Variants in CXCL17 observed in about 807,000 individuals in gnomAD.
CXCL17 encodes the protein C-X-C motif chemokine 17.
In CXCL17, 9 loss-of-function variants were observed where a neutral mutation model predicts 15.5. The observed-to-expected ratio is 0.58, with a 90% CI of 0.35 to 1.01. CXCL17 has a LOEUF of 1.01. Among genes scored for constraint, CXCL17 ranks in the 50% least tolerant of loss-of-function variants. CXCL17 has a pLI of 0.02. For synonymous variants in CXCL17, 52 were observed against 52.3 expected (o/e 0.99, Z 0.02); for missense variants, 133 against 138.2 (o/e 0.96, Z 0.19).
chr19:42,428,880 G>A lies in CXCL17; in HGVS notation c.*4C>T. 1.2e-6 allele frequency: 2 copies of A among 1,609,452 alleles called. No homozygotes were observed. Among genetic ancestry groups the A allele is most frequent in the Non-Finnish European group, 1.7e-6 (2 of 1,175,742 alleles). On this transcript the variant is annotated 3_prime_UTR_variant, in exon 4 of 4. Transcript: ENST00000601181. The stretch of plus-strand genomic sequence containing the variant: ...TTAATTGGAAGAGTGGGCGCTCAGA[G>A]CTCCTACAAAGGCAGAGCAAAGCTT...
Position 42,441,529 on chromosome 19 carries a change from C to G in CXCL17, c.79+1225G>C, listed in dbSNP as rs191200830. On this transcript the variant is annotated intron_variant, in intron 1 of 3. Coordinates refer to ENST00000601181, the MANE Select transcript of CXCL17 (RefSeq NM_198477.3). ...AGAGGACTCTAGCCTGGGTGTCTGT[C>G]ATAGTGATGGAAAAGTCTTCCCTTT... Among the ~76,000 whole-genome samples, 665 of 152,254 alleles carry G rather than the reference C, an allele frequency of 4.4e-3. 7 individuals are homozygous for G. The highest frequency in any genetic ancestry group is 0.015 in the African/African-American group (629 of 41,538).
intron 3 of CXCL17, among the ~76,000 whole-genome samples, chr19:42,432,346 T>C (rs2040791775): frequency 6.6e-6 from 1 of 152,074 alleles, no homozygotes; most frequent in East Asian, 1.9e-4. Flanking sequence ...GGTTTCACCA[T>C]GTTGGCCAGG....
intron 2 of CXCL17, 72 bp downstream of exon 2, chr19:42,433,704 C>G: frequency 7.6e-7 from 1 of 1,318,476 alleles, no homozygotes; most frequent in Non-Finnish European, 1.1e-6. Flanking sequence ...CTGCATTGGT[C>G]TCAGAGGGGC....
intron 1 of CXCL17, among the ~76,000 whole-genome samples, chr19:42,434,432 G>A: frequency 6.6e-6 from 1 of 151,950 alleles, no homozygotes; most frequent in Non-Finnish European, 1.5e-5. Flanking sequence ...TTTTTTGTTT[G>A]TTTGTTTGTT....
intron 1 of CXCL17, among the ~76,000 whole-genome samples, chr19:42,437,514 C>T (rs2040845541): frequency 6.6e-6 from 1 of 152,174 alleles, no homozygotes; most frequent in Admixed American, 6.5e-5. Context: ...GGACAAGTCA[C>T]TTGGCTTCTA....
At chr19:42,436,573 G>C (rs1042047045) in intron 1 of CXCL17, among the ~76,000 whole-genome samples, 12 of 151,502 alleles carry the variant, frequency 7.9e-5, no homozygotes, top group African/African-American at 2.9e-4. Context: ...ACCAACTGTT[G>C]GTATTTTGGC....
chr19:42,429,790 C>T lies in CXCL17; in HGVS notation c.263-809G>A, dbSNP rs551829215. On this transcript the variant is annotated intron_variant, in intron 3 of 3. Coordinates refer to ENST00000601181, the MANE Select transcript of CXCL17 (RefSeq NM_198477.3). ...TGTTAATAGTTTGCTACGTATTTTT[C>T]CATACCTTCTGGTATATAAATACAA... Among the ~76,000 whole-genome samples the T allele has an allele frequency of 3.2e-4, 48 of 152,336 alleles. No individual in the cohort carries two copies. In the South Asian group the frequency reaches 6.0e-3, roughly 19 times the overall value.
At chr19:42,429,988 C>T (rs1307563679) in intron 3 of CXCL17, among the ~76,000 whole-genome samples, 2 of 150,750 alleles carry the variant, frequency 1.3e-5, no homozygotes, top group African/African-American at 4.9e-5. Flanking sequence ...AGCAACATGG[C>T]GAAATCCTAT....
At chr19:42,435,167 A>C (rs1237642487) in intron 1 of CXCL17, among the ~76,000 whole-genome samples, 1 of 147,618 alleles carries the variant, frequency 6.8e-6, no homozygotes, top group African/African-American at 2.6e-5. Context: ...CGACAGAGCG[A>C]GACACGGTCT....
chr19:42,430,642 A>C (rs2040770280), intron 3 of CXCL17, among the ~76,000 whole-genome samples: 1 of 151,562 alleles, frequency 6.6e-6, no homozygotes, highest in African/African-American at 2.4e-5. Flanking sequence ...TATTGCCAAC[A>C]GCACCCCTCC....
intron 1 of CXCL17, among the ~76,000 whole-genome samples, chr19:42,439,695 C>G (rs1180370334): frequency 3.3e-5 from 5 of 152,178 alleles, no homozygotes; most frequent in Non-Finnish European, 7.3e-5. Flanking sequence ...CTGAAGTATT[C>G]TTGCCCAAAA....
intron 3 of CXCL17, among the ~76,000 whole-genome samples, chr19:42,430,467 C>G (rs1055357651): frequency 6.6e-6 from 1 of 151,366 alleles, no homozygotes; most frequent in Non-Finnish European, 1.5e-5. Flanking sequence ...GGTGGCGCAT[C>G]CCTGTAATCC....
intron 1 of CXCL17, among the ~76,000 whole-genome samples, chr19:42,434,638 C>T (rs1033221865): frequency 1.3e-5 from 2 of 151,866 alleles, no homozygotes; most frequent in East Asian, 3.9e-4. Context: ...CCAAGTTGCC[C>T]AGGTTGGTCT....
chr19:42,442,762 A>T lies in CXCL17; in HGVS notation c.71T>A (p.Leu24Gln). 3 of 1,611,146 alleles carry T rather than the reference A, an allele frequency of 1.9e-6. No homozygotes were observed. Among genetic ancestry groups the T allele is most frequent in the Non-Finnish European group, 2.5e-6 (3 of 1,178,288 alleles). Residue 24 changes from leucine (L) to glutamine (Q), a missense_variant, in exon 1 of 4, where the codon CTG (leucine) becomes CAG (glutamine). Coordinates refer to ENST00000601181, the MANE Select transcript of CXCL17 (RefSeq NM_198477.3). ...TAGACAGTCTTGTTTACCTGGATTC[A>T]GGCTGCTAGAGACCATGGACATCAG... ...LMLMSMVSSS[L>Q]NPGVARGHRD...
intron 1 of CXCL17, among the ~76,000 whole-genome samples, chr19:42,440,587 A>G (rs1375758397): frequency 6.6e-6 from 1 of 152,222 alleles, no homozygotes; most frequent in African/African-American, 2.4e-5. Context: ...TACTCAGTCC[A>G]TTTATTAAAC....
chr19:42,439,992 T>C (rs1025333357), intron 1 of CXCL17, among the ~76,000 whole-genome samples: 1 of 152,208 alleles, frequency 6.6e-6, no homozygotes, highest in African/African-American at 2.4e-5. Context: ...AATTGTATTA[T>C]GGTTACATAA....
At chr19:42,435,124 A>G (rs565707503) in intron 1 of CXCL17, among the ~76,000 whole-genome samples, 1 of 151,770 alleles carries the variant, frequency 6.6e-6, no homozygotes, top group East Asian at 2.0e-4. Flanking sequence ...AGTTGCAGTG[A>G]GCTGAGATCG....
At chr19:42,429,020 C>T in intron 3 of CXCL17, 39 bp from the exon 4 acceptor site, 2 of 1,455,244 alleles carry the variant, frequency 1.4e-6, no homozygotes, top group Non-Finnish European at 1.9e-6. Flanking sequence ...GTGTTAAAAC[C>T]ATTTTTAACA....
At chr19:42,434,928 C>G (rs560566272) in intron 1 of CXCL17, among the ~76,000 whole-genome samples, 260 of 151,652 alleles carry the variant, frequency 1.7e-3, no homozygotes, top group Admixed American at 5.1e-3. Flanking sequence ...GCCTGGAATC[C>G]CAGCACTTTG....
Sources: allele counts gnomAD v4.1 joint callset (sites outside exome capture counted in the v4.1 genomes callset), GRCh38; gene constraint gnomAD v4.1.1; transcripts MANE v1.5; gene names NCBI Gene and HGNC (gene_info 2026-07-23, HGNC 2026-07-21).